The following PDGFRL variants were observed in gnomAD, a reference collection of about 807,000 sequenced individuals.
PDGFRL encodes platelet derived growth factor receptor like, also known as platelet-derived growth factor receptor-like protein.
Under a neutral mutation model 37.2 loss-of-function variants are expected in PDGFRL, and 46 were observed. The observed-to-expected ratio is 1.24, with a 90% CI of 0.98 to 1.58. The LOEUF (loss-of-function observed/expected upper bound fraction) is 1.58, where lower values mean the gene tolerates loss of function less well. Among genes scored for constraint, PDGFRL ranks in the 40% most tolerant of loss-of-function variants. The probability of loss-of-function intolerance (pLI) is 0.00; values close to 1 mark genes in which losing one functional copy is unlikely to be tolerated. For missense variants in PDGFRL, 692 were observed against 467.6 expected (o/e 1.48, Z -4.43); for synonymous variants, 251 against 184.3 (o/e 1.36, Z -2.93).
intron 3 of PDGFRL, among the ~76,000 whole-genome samples, chr8:17,621,922 T>C (rs963840044): frequency 1.3e-5 from 2 of 152,182 alleles, no homozygotes; most frequent in African/African-American, 4.8e-5. Flanking sequence ...ATCCTCCTGC[T>C]TCGGTCTCCC....
intron 1 of PDGFRL, among the ~76,000 whole-genome samples, chr8:17,589,117 C>G (rs539227346): frequency 8.6e-5 from 13 of 151,870 alleles, no homozygotes; most frequent in African/African-American, 3.2e-4. Context: ...GTGGCTCACT[C>G]CTGTAATCCC....
intron 3 of PDGFRL, among the ~76,000 whole-genome samples, chr8:17,623,912 C>A (rs1464297884): frequency 6.7e-6 from 1 of 148,838 alleles, no homozygotes; most frequent in East Asian, 1.9e-4. Context: ...GTTTTGGAGG[C>A]GGAACCTTTT....
chr8:17,581,180 G>T (rs1208030545), intron 1 of PDGFRL, among the ~76,000 whole-genome samples: 1 of 152,108 alleles, frequency 6.6e-6, no homozygotes, highest in Admixed American at 6.5e-5. Flanking sequence ...CGGGGTGTGA[G>T]GATGCCGTTT....
chr8:17,587,413 T>C (rs992490858), intron 1 of PDGFRL, among the ~76,000 whole-genome samples: 2 of 152,214 alleles, frequency 1.3e-5, no homozygotes, highest in Non-Finnish European at 2.9e-5. Flanking sequence ...TTCTGGTAGC[T>C]TGAATTCCTG....
chr8:17,604,464 T>C (rs555403269), intron 2 of PDGFRL, among the ~76,000 whole-genome samples: 1 of 152,118 alleles, frequency 6.6e-6, no homozygotes, highest in East Asian at 1.9e-4. Context: ...AAACCATCAT[T>C]CTCAGCAAAC....
At chr8:17,588,354 C>G (rs921664814) in intron 1 of PDGFRL, among the ~76,000 whole-genome samples, 1 of 152,106 alleles carries the variant, frequency 6.6e-6, no homozygotes, top group Non-Finnish European at 1.5e-5. Flanking sequence ...GTCTGCTTTA[C>G]CATTTGTTTT....
chr8:17,591,026 G>A (rs1175823488), intron 2 of PDGFRL, among the ~76,000 whole-genome samples: 1 of 151,920 alleles, frequency 6.6e-6, no homozygotes, highest in African/African-American at 2.4e-5. Flanking sequence ...GGGACTACAG[G>A]TGCCTGCCAC....
At chr8:17,612,598 T>C (rs182924103) in intron 2 of PDGFRL, among the ~76,000 whole-genome samples, 3 of 152,342 alleles carry the variant, frequency 2.0e-5, no homozygotes, top group Admixed American at 2.0e-4. Context: ...CTCAAACTCC[T>C]GACCTCAGGT....
intron 5 of PDGFRL, among the ~76,000 whole-genome samples, chr8:17,635,018 G>A (rs1267570399): frequency 6.6e-6 from 1 of 152,020 alleles, no homozygotes; most frequent in East Asian, 1.9e-4. Context: ...GGAAATGAAG[G>A]ATCTCCCTCT....
intron 3 of PDGFRL, among the ~76,000 whole-genome samples, chr8:17,628,097 C>T (rs1308458819): frequency 6.7e-6 from 1 of 149,486 alleles, no homozygotes; most frequent in Non-Finnish European, 1.5e-5. Flanking sequence ...GGGTTCACGC[C>T]ATTTTCCTGC....
chr8:17,641,353 C>T (rs1317636662), intron 5 of PDGFRL, among the ~76,000 whole-genome samples: 1 of 152,230 alleles, frequency 6.6e-6, no homozygotes, highest in Non-Finnish European at 1.5e-5. Context: ...CTAGAAGTTT[C>T]CTTCTCCCTG....
chr8:17,616,019 T>G (rs1422427389), intron 2 of PDGFRL, among the ~76,000 whole-genome samples: 2 of 152,226 alleles, frequency 1.3e-5, no homozygotes, highest in East Asian at 3.9e-4. Context: ...AAGCATTAGC[T>G]ATCATTATTG....
intron 2 of PDGFRL, among the ~76,000 whole-genome samples, chr8:17,617,467 G>C (rs1804552101): frequency 6.6e-6 from 1 of 152,120 alleles, no homozygotes; most frequent in Non-Finnish European, 1.5e-5. Flanking sequence ...GGCTCTGAAG[G>C]GCTCAGGGAA....
intron 4 of PDGFRL, among the ~76,000 whole-genome samples, chr8:17,630,702 G>T (rs1804844210): frequency 1.3e-5 from 2 of 152,186 alleles, no homozygotes; most frequent in Non-Finnish European, 1.5e-5. Context: ...GTCAGAGGAA[G>T]TAAGTGAGAG....
At chr8:17,578,590 T>C (rs915484064) in intron 1 of PDGFRL, among the ~76,000 whole-genome samples, 2 of 152,130 alleles carry the variant, frequency 1.3e-5, no homozygotes, top group African/African-American at 4.8e-5. Flanking sequence ...AAGGCAGAAA[T>C]GTAATTTGTA....
chr8:17,589,168 A>G (rs550363213), intron 1 of PDGFRL, among the ~76,000 whole-genome samples: 1 of 152,108 alleles, frequency 6.6e-6, no homozygotes, highest in Non-Finnish European at 1.5e-5. Flanking sequence ...ACCTGAGGTC[A>G]GGACTTCGAG....
At chr8:17,638,772 TATATATATATATATAA>T (rs1308446307) in intron 5 of PDGFRL, among the ~76,000 whole-genome samples, 8 of 115,790 alleles carry the variant, frequency 6.9e-5, no homozygotes, top group African/African-American at 1.9e-4. Flanking sequence ...TATATATATA[TATATATATATATATAA>T]TTGTGATATT....
intron 1 of PDGFRL, among the ~76,000 whole-genome samples, chr8:17,587,929 C>A (rs1219711822): frequency 6.6e-6 from 1 of 150,422 alleles, no homozygotes; most frequent in African/African-American, 2.5e-5. Context: ...CACACCTGGC[C>A]TACAGTCCCC....
chr8:17,638,788 A>ATATAG (rs1805033295), intron 5 of PDGFRL, among the ~76,000 whole-genome samples: 3 of 71,584 alleles, frequency 4.2e-5, no homozygotes, highest in Non-Finnish European at 8.4e-5. Flanking sequence ...TATATATATA[A>ATATAG]TTGTGATATT....
Sources: allele counts gnomAD v4.1 joint callset (sites outside exome capture counted in the v4.1 genomes callset), GRCh38; gene constraint gnomAD v4.1.1; transcripts MANE v1.5; gene names NCBI Gene and HGNC (gene_info 2026-07-23, HGNC 2026-07-21).